Variants in KCNIP3 observed in about 807,000 individuals in gnomAD.
The protein encoded by KCNIP3 is calsenilin.
In KCNIP3, 28 loss-of-function variants were observed where a neutral mutation model predicts 35.0. That is an observed-to-expected ratio of 0.80 (90% CI 0.59 to 1.10). The LOEUF (loss-of-function observed/expected upper bound fraction) is 1.10, where lower values mean the gene tolerates loss of function less well. Among genes scored for constraint, KCNIP3 ranks in the 50% least tolerant of loss-of-function variants. The probability of loss-of-function intolerance (pLI) is 0.00; values close to 1 mark genes in which losing one functional copy is unlikely to be tolerated. For synonymous variants in KCNIP3, 134 were observed against 133.8 expected, an observed-to-expected ratio of 1.00 and a Z score of -0.01; for missense variants, 295 against 338.4, an observed-to-expected ratio of 0.87 and a Z score of 1.01.
chr2:95,324,742 C>A (rs1317386714), intron 2 of KCNIP3, among the ~76,000 whole-genome samples: 2 of 151,522 alleles, frequency 1.3e-5, no homozygotes, highest in Non-Finnish European at 2.9e-5. Context: ...GAAACCCCGT[C>A]TCTACTAAAA....
chr2:95,306,147 C>T (rs913311815), intron 1 of KCNIP3, among the ~76,000 whole-genome samples: 6 of 152,170 alleles, frequency 3.9e-5, no homozygotes, highest in Non-Finnish European at 8.8e-5. Flanking sequence ...ACATCCTCAC[C>T]AGCTTTCAGT....
At position 95,382,555 on chromosome 2, in the gene KCNIP3, G is replaced by T. The variant is rs774933981; in HGVS notation, c.660+74G>T. Reference sequence around the variant, plus strand: ...GGGCTCTCGCTTTTGGGGCCACCCCGGGCAAGTGGCTTGCCCCTCTGAGCC... The same window carrying T: ...GGGCTCTCGCTTTTGGGGCCACCCCTGGCAAGTGGCTTGCCCCTCTGAGCC... On this transcript the variant is annotated intron_variant, in intron 7 of 8. Transcript: ENST00000295225. This position sits in a 1 kb window ranked among gnomAD's most constrained non-coding sequence, Gnocchi z 4.5. The T allele has an allele frequency of 9.0e-7, 1 of 1,110,386 alleles. No individual in the cohort carries two copies. The highest frequency in any genetic ancestry group is 1.5e-5 in the South Asian group (1 of 65,954). 68.8% of individuals were successfully genotyped at this position (1,110,386 alleles called of 1,614,324 possible).
chr2:95,354,898 C>G (rs1679617374), intron 2 of KCNIP3: 1 of 152,652 alleles, frequency 6.6e-6, no homozygotes, highest in South Asian at 2.1e-4. Context: ...TTGTAAACTG[C>G]CAGTCCCTCA....
chr2:95,375,185 G>C lies in KCNIP3; in HGVS notation c.424G>C (p.Gly142Arg). The C allele has an allele frequency of 1.2e-6, 2 of 1,614,158 alleles. No individual in the cohort carries two copies. The highest frequency in any genetic ancestry group is 1.1e-5 in the South Asian group (1 of 91,078). ...CCTCTTCAACGCCTTTGATGCGGAC[G>C]GGAACGGGGCCATCCACTTTGAGGT... is the stretch of plus-strand genomic sequence containing the variant. Reference protein sequence around the residue: ...HFLFNAFDADGNGAIHFEDFV... With the variant: ...HFLFNAFDADRNGAIHFEDFV... The change falls in exon 5 of 9, where the codon GGG becomes CGG. Residue 142 changes from glycine to arginine, a missense_variant. Transcript: ENST00000295225.
intron 2 of KCNIP3, among the ~76,000 whole-genome samples, chr2:95,321,352 A>G (rs1381337622): frequency 6.6e-6 from 1 of 152,332 alleles, no homozygotes; most frequent in East Asian, 1.9e-4. Context: ...TCACGTCAAG[A>G]GAGCGTCAGC....
At chr2:95,365,728 T>C (rs1421018430) in intron 2 of KCNIP3, among the ~76,000 whole-genome samples, 1 of 152,170 alleles carries the variant, frequency 6.6e-6, no homozygotes, top group Non-Finnish European at 1.5e-5. Flanking sequence ...AGGATTAAGT[T>C]CATCCTACTC....
In KCNIP3 at chr2:95,346,988, G is replaced by A. The variant is rs200411648; in HGVS notation, c.182-27308G>A. On this transcript the variant is annotated intron_variant, in intron 2 of 8. Transcript: ENST00000295225. Reference sequence around the variant, plus strand: ...CAGCGCGTGGGCGAGGGGTGCGCCCGGGCCCCAGGGCCCCAGGCAGCCCGG... The same window carrying A: ...CAGCGCGTGGGCGAGGGGTGCGCCCAGGCCCCAGGGCCCCAGGCAGCCCGG... 6.8e-3 allele frequency: 10,531 copies of A among 1,547,212 alleles called. 60 individuals are homozygous for A. The highest frequency in any genetic ancestry group is 8.1e-3 in the Non-Finnish European group (9,244 of 1,138,748).
At chr2:95,303,102 A>T (rs1330147857) in intron 1 of KCNIP3, 2 of 152,286 alleles carry the variant, frequency 1.3e-5, no homozygotes, top group Non-Finnish European at 2.9e-5. Flanking sequence ...AGCACAGTTG[A>T]TGAGAACCAT....
intron 2 of KCNIP3, among the ~76,000 whole-genome samples, chr2:95,333,549 G>A (rs1459552823): frequency 6.6e-6 from 1 of 152,310 alleles, no homozygotes; most frequent in East Asian, 1.9e-4. Flanking sequence ...ACTCCTCAGA[G>A]CACGTGCTCA....
At chr2:95,315,484 G>A (rs572357481) in intron 2 of KCNIP3, among the ~76,000 whole-genome samples, 36 of 152,094 alleles carry the variant, frequency 2.4e-4, no homozygotes, top group Non-Finnish European at 4.9e-4. Flanking sequence ...ACTCCGGGTG[G>A]TTCCTCCCCA....
Position 95,378,766 on chromosome 2 carries a change from A to G in KCNIP3, c.448-2830A>G. On this transcript the variant is annotated intron_variant, in intron 5 of 8. Transcript: ENST00000295225. The surrounding 1 kb of genome is among the most constrained non-coding windows in gnomAD (Gnocchi z 4.0). ...ACTCAATCTCAAAAACAAAAACAAA[A>G]TATATATATATATACACACACACAC... is the stretch of plus-strand genomic sequence containing the variant. 6.7e-6 allele frequency among the ~76,000 whole-genome samples: 1 copy of G among 148,804 alleles called. No individual in the cohort carries two copies. The highest frequency in any genetic ancestry group is 2.1e-4 in the South Asian group (1 of 4,722).
chr2:95,300,957 A>G (rs1189245248), intron 1 of KCNIP3, among the ~76,000 whole-genome samples: 3 of 152,200 alleles, frequency 2.0e-5, no homozygotes, highest in African/African-American at 4.8e-5. Flanking sequence ...AGCCTGCCCA[A>G]CGCCCCCAGC....
chr2:95,359,008 C>T (rs1679726159), intron 2 of KCNIP3, among the ~76,000 whole-genome samples: 1 of 152,144 alleles, frequency 6.6e-6, no homozygotes, highest in African/African-American at 2.4e-5. Context: ...AAGGTCCCAT[C>T]TCTTAATACT....
At position 95,376,065 on chromosome 2, in the gene KCNIP3, G is replaced by A. The variant is rs1252159603; in HGVS notation, c.447+857G>A. ...CCCGCCAGGCACACTGACGCTCCCC[G>A]CCTGCCCTGTGACCACAGGACCCCT... On this transcript the variant is annotated intron_variant, in intron 5 of 8. Coordinates refer to ENST00000295225, the MANE Select transcript of KCNIP3 (RefSeq NM_013434.5). This position sits in a 1 kb window ranked among gnomAD's most constrained non-coding sequence, Gnocchi z 4.2. Among the ~76,000 whole-genome samples, 1 of 152,146 alleles carries A rather than the reference G, an allele frequency of 6.6e-6. No individual in the cohort carries two copies. The highest frequency in any genetic ancestry group is 1.5e-5 in the Non-Finnish European group (1 of 68,020).
At chr2:95,335,783 C>G (rs1679045871) in intron 2 of KCNIP3, among the ~76,000 whole-genome samples, 1 of 152,028 alleles carries the variant, frequency 6.6e-6, no homozygotes, top group African/African-American at 2.4e-5. Context: ...ATGCTTTTCT[C>G]TCTCTCCTTT....
intron 2 of KCNIP3, among the ~76,000 whole-genome samples, chr2:95,321,693 C>T (rs1678602485): frequency 1.3e-5 from 2 of 152,148 alleles, no homozygotes; most frequent in African/African-American, 2.4e-5. Flanking sequence ...ACAAAAGGCA[C>T]ACAGAGACAG....
chr2:95,349,022 C>T (rs188741939), intron 2 of KCNIP3, among the ~76,000 whole-genome samples: 3 of 152,116 alleles, frequency 2.0e-5, no homozygotes, highest in Admixed American at 6.5e-5. Flanking sequence ...ATTAGCAATG[C>T]GTATGTGAGT....
chr2:95,378,264 G>A lies in KCNIP3; in HGVS notation c.447+3056G>A, dbSNP rs1345295476. Among the ~76,000 whole-genome samples, 1 of 151,864 alleles carries A rather than the reference G, an allele frequency of 6.6e-6. No homozygotes were observed. Among genetic ancestry groups the A allele is most frequent in the Non-Finnish European group, 1.5e-5 (1 of 67,974 alleles). ...CAGCCTCCCGAGTACCTGGGACTGC[G>A]GGTGCATGCCACCATGCCCAGCTAA... On this transcript the variant is annotated intron_variant, in intron 5 of 8. Transcript: ENST00000295225. The surrounding 1 kb of genome is among the most constrained non-coding windows in gnomAD (Gnocchi z 4.0).
chr2:95,383,933 A>G, intron 8 of KCNIP3, 69 bp from the exon 9 acceptor site: 1 of 1,375,558 alleles, frequency 7.3e-7, no homozygotes, highest in Non-Finnish European at 1.0e-6. Flanking sequence ...CCTGGCGGGA[A>G]TCTGCTCAAG....
Sources: gnomAD v4.1 joint callset for allele counts (sites outside exome capture counted in the v4.1 genomes callset) on GRCh38, gnomAD v4.1.1 for gene constraint, Gnocchi (gnomAD v3.1) non-coding constraint, MANE v1.5 for transcripts, NCBI Gene and HGNC (gene_info 2026-07-23, HGNC 2026-07-21) for gene names.